Variants in SLC9A2 observed in about 807,000 individuals in gnomAD.
SLC9A2 encodes the protein solute carrier family 9 member A2, also known as sodium/hydrogen exchanger 2.
In SLC9A2, 42 loss-of-function variants were observed where a neutral mutation model predicts 71.7. The ratio of observed to expected loss-of-function variants is 0.59; its 90% confidence interval spans 0.46 to 0.76. The LOEUF is 0.76. SLC9A2 is among the 30% of genes least tolerant of loss of function. The probability of loss-of-function intolerance (pLI) is 0.00; values close to 1 mark genes in which losing one functional copy is unlikely to be tolerated. For missense variants in SLC9A2, 829 were observed against 1,017.4 expected (o/e 0.81, Z 2.52); for synonymous variants, 396 against 392.5 (o/e 1.01, Z -0.10).
At chr2:102,644,360 C>T (rs1157394543) in intron 1 of SLC9A2, among the ~76,000 whole-genome samples, 2 of 152,148 alleles carry the variant, frequency 1.3e-5, no homozygotes, top group Non-Finnish European at 2.9e-5. Context: ...ACAACCAGGG[C>T]CCTCGGTTTC....
At chr2:102,695,822 TATAA>T (rs1677757234) in intron 7 of SLC9A2, among the ~76,000 whole-genome samples, 1 of 130,792 alleles carries the variant, frequency 7.6e-6, no homozygotes, top group Admixed American at 8.5e-5. Context: ...ATAATATATA[TATAA>T]AAAGCTAAAA....
At chr2:102,667,178 C>G (rs1677157651) in intron 3 of SLC9A2, among the ~76,000 whole-genome samples, 1 of 152,164 alleles carries the variant, frequency 6.6e-6, no homozygotes, top group Non-Finnish European at 1.5e-5. Context: ...ATGAAATGTT[C>G]CATGTCTTTC....
intron 7 of SLC9A2, 120 bp downstream of exon 7, chr2:102,695,233 C>T: frequency 1.5e-6 from 1 of 679,422 alleles, no homozygotes; most frequent in Non-Finnish European, 2.6e-6. Flanking sequence ...ATAGTATGTC[C>T]TCTAAGATAA....
At chr2:102,636,692 C>T (rs577663193) in intron 1 of SLC9A2, among the ~76,000 whole-genome samples, 7 of 152,304 alleles carry the variant, frequency 4.6e-5, no homozygotes, top group African/African-American at 1.7e-4. Context: ...GATTTAACAT[C>T]TAGCCTGGGG....
chr2:102,657,831 T>A lies in SLC9A2; in HGVS notation c.557T>A (p.Val186Glu). The change falls in exon 2 of 12, where the codon GTG becomes GAG. Residue 186 changes from valine (V) to glutamate (E), a missense_variant. Physicochemically the swap from Val to Glu is moderately radical, Grantham distance 121. Around this residue, in one of 3 missense-constraint regions of SLC9A2, gnomAD observed 500 missense variants for 726.3 expected, o/e 0.69. Coordinates refer to ENST00000233969, the MANE Select transcript of SLC9A2 (RefSeq NM_003048.6). The stretch of plus-strand genomic sequence containing the variant: ...CTTTGGAATTCCATTGGCATTGGGG[T>A]GTCTTTGTTTGGTATCTGCCAGATC... Reference protein sequence around the residue: ...GTLWNSIGIGVSLFGICQIEA... With the variant: ...GTLWNSIGIGESLFGICQIEA... 2 of 1,614,094 alleles carry A rather than the reference T, an allele frequency of 1.2e-6. No individual in the cohort carries two copies. Among genetic ancestry groups the A allele is most frequent in the Non-Finnish European group, 8.5e-7 (1 of 1,180,010 alleles).
chr2:102,638,504 T>C (rs973309258), intron 1 of SLC9A2, among the ~76,000 whole-genome samples: 3 of 152,200 alleles, frequency 2.0e-5, no homozygotes, highest in Non-Finnish European at 2.9e-5. Flanking sequence ...TGAGCTGGGA[T>C]TGCACTCAGG....
At chr2:102,677,627 T>C (rs1000132502) in intron 3 of SLC9A2, among the ~76,000 whole-genome samples, 1 of 152,158 alleles carries the variant, frequency 6.6e-6, no homozygotes, top group Admixed American at 6.5e-5. Context: ...GAAAATATAT[T>C]CATATTGCAC....
chr2:102,637,368 C>A (rs896336874), intron 1 of SLC9A2, among the ~76,000 whole-genome samples: 1 of 152,214 alleles, frequency 6.6e-6, no homozygotes, highest in African/African-American at 2.4e-5. Flanking sequence ...AGAATACATG[C>A]TGAAATACTT....
intron 3 of SLC9A2, among the ~76,000 whole-genome samples, chr2:102,673,043 C>T (rs1015287516): frequency 6.6e-6 from 1 of 151,882 alleles, no homozygotes; most frequent in African/African-American, 2.4e-5. Flanking sequence ...AAATCAAATA[C>T]ACAAAACTCA....
intron 11 of SLC9A2, among the ~76,000 whole-genome samples, chr2:102,707,293 C>T (rs1006108890): frequency 5.5e-5 from 5 of 90,852 alleles, no homozygotes; most frequent in Non-Finnish European, 9.0e-5. Flanking sequence ...ATCATTACCC[C>T]TCTTTTTTTA....
intron 1 of SLC9A2, among the ~76,000 whole-genome samples, chr2:102,640,799 C>G (rs1013819167): frequency 3.3e-5 from 5 of 152,168 alleles, no homozygotes; most frequent in African/African-American, 1.2e-4. Flanking sequence ...AGCCTCTAAT[C>G]CTGCCTTGGT....
chr2:102,674,011 A>C (rs1677303532), intron 3 of SLC9A2, among the ~76,000 whole-genome samples: 1 of 151,836 alleles, frequency 6.6e-6, no homozygotes, highest in African/African-American at 2.4e-5. Context: ...CTGGTCTCGA[A>C]CTCCTGACCT....
chr2:102,643,047 T>C (rs1264556654), intron 1 of SLC9A2, among the ~76,000 whole-genome samples: 1 of 152,046 alleles, frequency 6.6e-6, no homozygotes, highest in East Asian at 1.9e-4. Flanking sequence ...CTACAGGGTC[T>C]GTAGTGATTT....
At chr2:102,661,922 T>C (rs1677056066) in intron 2 of SLC9A2, among the ~76,000 whole-genome samples, 1 of 152,216 alleles carries the variant, frequency 6.6e-6, no homozygotes, top group South Asian at 2.1e-4. Context: ...TCCCTCATAA[T>C]ACAATTAAAG....
At chr2:102,703,443 T>C (rs1262799960) in intron 9 of SLC9A2, among the ~76,000 whole-genome samples, 1 of 152,182 alleles carries the variant, frequency 6.6e-6, no homozygotes, top group Non-Finnish European at 1.5e-5. Flanking sequence ...CACACCTTCC[T>C]GTCAGCTGGT....
At chr2:102,656,509 T>G (rs1290132473) in intron 1 of SLC9A2, among the ~76,000 whole-genome samples, 1 of 152,184 alleles carries the variant, frequency 6.6e-6, no homozygotes, top group Admixed American at 6.5e-5. Context: ...TAAATACATT[T>G]TGGGAACTTG....
chr2:102,664,982 T>C (rs1677106258), intron 2 of SLC9A2, 118 bp from the exon 3 acceptor site: 1 of 1,054,150 alleles, frequency 9.5e-7, no homozygotes, highest in Non-Finnish European at 1.4e-6. Context: ...GTCATTTTCC[T>C]ACTTGGGTAC....
chr2:102,677,679 A>C (rs1014310113), intron 3 of SLC9A2, among the ~76,000 whole-genome samples: 2 of 152,240 alleles, frequency 1.3e-5, no homozygotes, highest in Admixed American at 6.5e-5. Context: ...TCAATGATGC[A>C]AAATACATGC....
rs544847871 is a variant in SLC9A2 at position 102,683,557 on chromosome 2, C to A, written c.1222+79C>A. On this transcript the variant is annotated intron_variant, in intron 4 of 11. Transcript: ENST00000233969. ...GGGCTTTCCTTTTGTCATTCCCTTT[C>A]TGCTGTTGTGGATTCTTTTATGTCT... 2.8e-5 allele frequency: 31 copies of A among 1,110,810 alleles called. No individual in the cohort carries two copies. The East Asian group carries it at 7.6e-4, about 27-fold the overall frequency. 68.8% of individuals were successfully genotyped at this position (1,110,810 alleles called of 1,614,324 possible).
Sources: gnomAD v4.1 joint callset for allele counts (sites outside exome capture counted in the v4.1 genomes callset) on GRCh38, gnomAD v4.1.1 for gene constraint, gnomAD v4.1.1 regional missense constraint, MANE v1.5 for transcripts, NCBI Gene and HGNC (gene_info 2026-07-23, HGNC 2026-07-21) for gene names.